PUDP: variants seen among roughly 807,000 people sequenced by gnomAD.
PUDP encodes the protein pseudouridine-5'-phosphatase.
A neutral mutation model predicts 9.4 loss-of-function variants in PUDP; 8 were observed. The observed-to-expected ratio is 0.85, with a 90% confidence interval of 0.50 to 1.53. The LOEUF (loss-of-function observed/expected upper bound fraction) is 1.53. Among genes scored for constraint, PUDP ranks in the 40% most tolerant of loss-of-function variants. The pLI, the probability that PUDP is intolerant of heterozygous loss-of-function variation, is 0.00. For missense variants in PUDP, 188 were observed against 189.7 expected (o/e 0.99, Z 0.05); for synonymous variants, 99 against 80.7 (o/e 1.23, Z -1.22).
chrX:7,027,953 A>T (rs1476617396), intron 1 of PUDP, among the ~76,000 whole-genome samples: 14 of 102,284 alleles, frequency 1.4e-4, no homozygotes, highest in Non-Finnish European at 2.7e-4. Flanking sequence ...AGACTATATT[A>T]TTCTATATAT....
At chrX:6,862,196 C>T (rs1024518129) in intron 3 of PUDP, among the ~76,000 whole-genome samples, 1 of 111,896 alleles carries the variant, frequency 8.9e-6, no homozygotes, top group African/African-American at 3.2e-5. Context: ...AAGGGCCCTC[C>T]TTAGCACCAT....
chrX:6,959,060 C>T (rs1023838010), intron 3 of PUDP, among the ~76,000 whole-genome samples: 5 of 111,853 alleles, frequency 4.5e-5, no homozygotes, highest in African/African-American at 1.6e-4. Flanking sequence ...TTGAAGGATT[C>T]TCAGCCTGGC....
rs1466334573 is a variant in PUDP at position 6,938,541 on chromosome X, A to C, written c.*247+38592T>G. 3.2e-5 allele frequency among the ~76,000 whole-genome samples: 3 copies of C among 92,985 alleles called. No homozygotes were observed. The East Asian group carries it at 1.1e-3, about 33-fold the overall frequency. 80.7% of individuals were successfully genotyped at this position (92,985 alleles called of 115,157 possible). On this transcript the variant is annotated intron_variant and NMD_transcript_variant, in intron 3 of 3. Transcript: ENST00000655425. ...GAGATATACCTAATGCTAGATGACG[A>C]GTTAGTGGGTGCAGCACACCAGCAT...
At chrX:6,846,209 C>A (rs1304705527) in intron 3 of PUDP, among the ~76,000 whole-genome samples, 1 of 110,108 alleles carries the variant, frequency 9.1e-6, no homozygotes, top group Non-Finnish European at 1.9e-5. Flanking sequence ...TCGAGACCAT[C>A]CTGGCTAACA....
At position 6,896,868 on chromosome X, in the gene PUDP, T is replaced by C. The variant is rs997089631; in HGVS notation, c.*247+80265A>G. Among the ~76,000 whole-genome samples, 10 of 110,423 alleles carry C rather than the reference T, an allele frequency of 9.1e-5. No homozygotes were observed. In the Admixed American group the frequency reaches 9.7e-4, roughly 11 times the overall value. ...AGAAGACTGCTAACACATTCTGGGG[T>C]TTGTTTGTTTGTTTTTTTAAATTCT... On this transcript the variant is annotated intron_variant and NMD_transcript_variant, in intron 3 of 3. Coordinates refer to the PUDP transcript ENST00000655425.
chrX:6,968,788 T>G (rs1004240024), intron 3 of PUDP, among the ~76,000 whole-genome samples: 53 of 110,730 alleles, frequency 4.8e-4, no homozygotes, highest in Non-Finnish European at 3.2e-4. Context: ...CCCAGCTAAT[T>G]TTTGTATTTT....
chrX:6,890,252 T>C (rs1327247672), intron 3 of PUDP, among the ~76,000 whole-genome samples: 1 of 112,007 alleles, frequency 8.9e-6, no homozygotes, highest in Non-Finnish European at 1.9e-5. Context: ...CTTTAACTAT[T>C]CACTGGTGGA....
chrX:6,719,384 C>A (rs111783115), intron 1 of PUDP, among the ~76,000 whole-genome samples: 4 of 111,726 alleles, frequency 3.6e-5, no homozygotes, highest in Admixed American at 2.8e-4. Flanking sequence ...AGTCACATTG[C>A]GGGGTAGGGC....
intron 2 of PUDP, among the ~76,000 whole-genome samples, chrX:7,081,777 T>A (rs1265613214): frequency 8.9e-6 from 1 of 112,899 alleles, no homozygotes; most frequent in Non-Finnish European, 1.9e-5. Context: ...ATGATTAACG[T>A]TCCTCATGGA....
At position 7,003,523 on chromosome X, in the gene PUDP, G is replaced by A. The variant is rs183285747; in HGVS notation, c.205-25180C>T. ...TAGAAGACAATATATGTGCCTATTT[G>A]ATCAAAAAATCCTTTTAATTTTTCC... On this transcript the variant is annotated intron_variant and NMD_transcript_variant, in intron 1 of 3. Transcript: ENST00000655425. 5.1e-4 allele frequency among the ~76,000 whole-genome samples: 57 copies of A among 112,132 alleles called. No homozygotes were observed. In the East Asian group the frequency reaches 9.3e-3, roughly 18 times the overall value.
intron 3 of PUDP, among the ~76,000 whole-genome samples, chrX:6,767,594 C>A (rs1378974106): frequency 8.9e-6 from 1 of 112,419 alleles, no homozygotes; most frequent in Non-Finnish European, 1.9e-5. Flanking sequence ...GCAGCGCAGT[C>A]ATTCCACACA....
intron 3 of PUDP, among the ~76,000 whole-genome samples, chrX:6,973,419 A>G (rs1453197202): frequency 9.0e-6 from 1 of 111,571 alleles, no homozygotes; most frequent in Non-Finnish European, 1.9e-5. Context: ...CTTTGTTCTC[A>G]TTGGTTTTAA....
At chrX:7,006,515 C>A (rs1341214403) in intron 1 of PUDP, among the ~76,000 whole-genome samples, 2 of 111,308 alleles carry the variant, frequency 1.8e-5, no homozygotes, top group Non-Finnish European at 3.8e-5. Flanking sequence ...TTCAGGTCCT[C>A]TGCCTATTTT....
rs1234050528 is a variant in PUDP at position 7,004,848 on chromosome X, G to C, written c.205-26505C>G. On this transcript the variant is annotated intron_variant and NMD_transcript_variant, in intron 1 of 3. Transcript: ENST00000655425. The stretch of plus-strand genomic sequence containing the variant: ...CATTCAAAGAGCTTTAGGCCAGTTT[G>C]AGGTCTTTCTGCAAAATGTAAATTG... Among the ~76,000 whole-genome samples the C allele has an allele frequency of 3.6e-5, 4 of 112,051 alleles. No homozygotes were observed. In the South Asian group the frequency reaches 1.1e-3, roughly 31 times the overall value.
chrX:7,093,541 C>G (rs1037074084), intron 2 of PUDP, among the ~76,000 whole-genome samples: 1 of 111,567 alleles, frequency 9.0e-6, no homozygotes, highest in Non-Finnish European at 1.9e-5. Context: ...AAGTCACTGC[C>G]CTCCCCACTC....
At chrX:7,038,630 A>G (rs1404173378) in intron 1 of PUDP, among the ~76,000 whole-genome samples, 1 of 111,611 alleles carries the variant, frequency 9.0e-6, no homozygotes, top group Non-Finnish European at 1.9e-5. Context: ...ATGGGTAGGG[A>G]AAAAAAGCTC....
intron 3 of PUDP, among the ~76,000 whole-genome samples, chrX:6,851,137 C>T (rs1803391776): frequency 1.8e-5 from 2 of 111,822 alleles, no homozygotes; most frequent in Non-Finnish European, 1.9e-5. Flanking sequence ...AGAAAAATCA[C>T]GTTTATATGA....
intron 3 of PUDP, among the ~76,000 whole-genome samples, chrX:6,729,277 A>T (rs1569088347): frequency 9.0e-6 from 1 of 111,673 alleles, no homozygotes; most frequent in Non-Finnish European, 1.9e-5. Flanking sequence ...CAGAAACCCA[A>T]CAGAATGCAG....
At chrX:7,010,319 C>T (rs1399684438) in intron 1 of PUDP, among the ~76,000 whole-genome samples, 2 of 111,431 alleles carry the variant, frequency 1.8e-5, no homozygotes, top group Admixed American at 9.5e-5. Flanking sequence ...CTTCACAGGG[C>T]TTGATTTCCA....
Sources: allele counts gnomAD v4.1 joint callset (sites outside exome capture counted in the v4.1 genomes callset), GRCh38; gene constraint gnomAD v4.1.1; transcripts MANE v1.5; gene names NCBI Gene and HGNC (gene_info 2026-07-23, HGNC 2026-07-21).